CCAR1: variants seen among roughly 807,000 people sequenced by gnomAD.
CCAR1 encodes the protein cell division cycle and apoptosis regulator 1, also known as cell division cycle and apoptosis regulator protein 1.
CCAR1 carries 78 observed loss-of-function variants against 163.8 expected under a neutral mutation model. The ratio of observed to expected loss-of-function variants is 0.48; its 90% confidence interval spans 0.40 to 0.57. The LOEUF (loss-of-function observed/expected upper bound fraction) is 0.57. Among genes scored for constraint, CCAR1 ranks in the 20% least tolerant of loss-of-function variants. The pLI, the probability that CCAR1 is intolerant of heterozygous loss-of-function variation, is 0.00. For synonymous variants in CCAR1, 443 were observed against 460.7 expected (o/e 0.96, Z 0.49); for missense variants, 1,019 against 1,365.2 (o/e 0.75, Z 4.00).
chr10:68,738,624 A>G (rs1364150917), intron 4 of CCAR1, among the ~76,000 whole-genome samples: 1 of 152,038 alleles, frequency 6.6e-6, no homozygotes, highest in African/African-American at 2.4e-5. Context: ...TTTATTTTTA[A>G]AAATTTTTGT....
chr10:68,769,872 C>G (rs567500150), intron 17 of CCAR1, among the ~76,000 whole-genome samples: 1 of 143,998 alleles, frequency 6.9e-6, no homozygotes, highest in Non-Finnish European at 1.5e-5. Flanking sequence ...ATTGGCGAGG[C>G]GGAGCTTGCA....
intron 16 of CCAR1, among the ~76,000 whole-genome samples, chr10:68,765,036 A>G (rs2056519882): frequency 6.6e-6 from 1 of 152,234 alleles, no homozygotes; most frequent in South Asian, 2.1e-4. Context: ...TTCTAAATTC[A>G]TAGAGTTCTG....
rs1198272185 is a variant in CCAR1, at chr10:68,773,022, A to G, written c.2573A>G (p.Asp858Gly). 4 of 1,525,880 alleles carry G rather than the reference A, an allele frequency of 2.6e-6. No individual in the cohort carries two copies. In the South Asian group the frequency reaches 4.8e-5, roughly 18 times the overall value. 94.5% of individuals were successfully genotyped at this position (1,525,880 alleles called of 1,614,324 possible). The part of the protein sequence containing the change: ...EDKRKDDSKD[D>G]DETEEDNNQD... ...AAAAGAAAAGATGATTCTAAAGATG[A>G]TGATGAAACTGAAGAAGATAACAAT... The change falls in exon 19 of 25, where the codon GAT (aspartate) becomes GGT (glycine). Residue 858 changes from aspartate (D) to glycine (G), a missense_variant. Asp to Gly is a moderately conservative substitution (Grantham distance 94). This residue lies in a region of CCAR1 where 358 missense variants were observed against 406.4 expected (regional missense o/e 0.88). Transcript: ENST00000265872.
chr10:68,787,741 A>G, intron 21 of CCAR1, 186 bp from the exon 22 acceptor site: 1 of 478,916 alleles, frequency 2.1e-6, no homozygotes, highest in Non-Finnish European at 3.7e-6. Flanking sequence ...AGGCTGAGGT[A>G]GGAGAATCGC....
chr10:68,749,184 CACG>C lies in CCAR1; in HGVS notation c.880_882del (p.Arg294del). On this transcript the variant is annotated inframe_deletion, in exon 9 of 25. Coordinates refer to ENST00000265872, the MANE Select transcript of CCAR1 (RefSeq NM_018237.4). The stretch of plus-strand genomic sequence containing the variant: ...CGTATAGTTTCACAGCCACAACCGG[CACG>C]ACGATTAGATCCCCCATCCCGATTT... The C allele has an allele frequency of 6.2e-7, 1 of 1,613,688 alleles. No homozygotes were observed. The highest frequency in any genetic ancestry group is 2.2e-5 in the East Asian group (1 of 44,864).
intron 17 of CCAR1, among the ~76,000 whole-genome samples, chr10:68,770,883 C>T (rs761723505): frequency 1.3e-5 from 2 of 152,156 alleles, no homozygotes; most frequent in Non-Finnish European, 2.9e-5. Context: ...CGAGACCATC[C>T]TGGCTGACAT....
intron 19 of CCAR1, among the ~76,000 whole-genome samples, chr10:68,776,764 G>A (rs2056672355): frequency 6.6e-6 from 1 of 152,058 alleles, no homozygotes; most frequent in African/African-American, 2.4e-5. Context: ...GCCCAGGCTG[G>A]TCTTGACCTC....
chr10:68,783,184 A>C lies in CCAR1; in HGVS notation c.2651-2952A>C, dbSNP rs543681631. On this transcript the variant is annotated intron_variant, in intron 19 of 24. Coordinates refer to ENST00000265872, the MANE Select transcript of CCAR1 (RefSeq NM_018237.4). Reference sequence around the variant, plus strand: ...TGCCCAGCTAAATATTTATTTATTTATTTATTTTTATTTTTTATTTTTTGA... The same window carrying C: ...TGCCCAGCTAAATATTTATTTATTTCTTTATTTTTATTTTTTATTTTTTGA... Among the ~76,000 whole-genome samples, 171 of 150,782 alleles carry C rather than the reference A, an allele frequency of 1.1e-3. 1 individual carries two copies. Among genetic ancestry groups the C allele is most frequent in the African/African-American group, 4.0e-3 (166 of 41,086 alleles).
chr10:68,726,522 T>C (rs1015513803), intron 2 of CCAR1, among the ~76,000 whole-genome samples: 1 of 152,174 alleles, frequency 6.6e-6, no homozygotes, highest in African/African-American at 2.4e-5. Flanking sequence ...TAAGGAAGCT[T>C]TTCTCCTCCC....
At chr10:68,751,678 C>T (rs2056332468) in intron 10 of CCAR1, among the ~76,000 whole-genome samples, 1 of 151,652 alleles carries the variant, frequency 6.6e-6, no homozygotes. Flanking sequence ...GCCTGGCCAA[C>T]ATGGTGAAAC....
At chr10:68,723,343 A>G (rs1297539760) in intron 2 of CCAR1, among the ~76,000 whole-genome samples, 1 of 147,524 alleles carries the variant, frequency 6.8e-6, no homozygotes, top group Non-Finnish European at 1.5e-5. Context: ...CTTAGCCAGG[A>G]TGGTCTCGAT....
chr10:68,740,901 T>C (rs1481468791), intron 5 of CCAR1, among the ~76,000 whole-genome samples: 1 of 149,594 alleles, frequency 6.7e-6, no homozygotes, highest in Non-Finnish European at 1.5e-5. Context: ...ATTTATTTAT[T>C]TATTTATTTA....
At chr10:68,733,012 A>G (rs2056061440) in intron 2 of CCAR1, among the ~76,000 whole-genome samples, 1 of 152,158 alleles carries the variant, frequency 6.6e-6, no homozygotes. Flanking sequence ...TTGAATTAAT[A>G]CTGGTGTTAA....
At position 68,791,392 on chromosome 10, in the gene CCAR1, G is replaced by A. The variant is rs900220034; in HGVS notation, c.*126G>A. On this transcript the variant is annotated 3_prime_UTR_variant, in exon 25 of 25. Coordinates refer to ENST00000265872, the MANE Select transcript of CCAR1 (RefSeq NM_018237.4). Reference sequence around the variant, plus strand: ...ATAAATGTATTTTAGTTCAAATGATGTATAAAGTTTTATGAATGTGAGTTT... The same window carrying A: ...ATAAATGTATTTTAGTTCAAATGATATATAAAGTTTTATGAATGTGAGTTT... 3.1e-5 allele frequency: 17 copies of A among 551,030 alleles called. No homozygotes were observed. The highest frequency in any genetic ancestry group is 4.1e-4 in the Middle Eastern group (1 of 2,466). The allele number at this position is 551,030 out of a possible 1,614,324, so 34.1% of individuals were successfully genotyped here. A position where few individuals can be genotyped will look rare whatever the true frequency, so the allele number is the denominator to read the frequency against.
intron 4 of CCAR1, among the ~76,000 whole-genome samples, chr10:68,738,140 C>T (rs542304718): frequency 3.3e-5 from 5 of 152,288 alleles, no homozygotes; most frequent in Admixed American, 2.0e-4. Context: ...GGAGGCTGGG[C>T]GCAGTGGCTC....
chr10:68,742,857 A>G (rs1342508717), intron 6 of CCAR1, among the ~76,000 whole-genome samples: 2 of 152,156 alleles, frequency 1.3e-5, no homozygotes, highest in African/African-American at 4.8e-5. Flanking sequence ...ACCTCAAGTG[A>G]GCCACCCGCC....
intron 1 of CCAR1, 62 bp downstream of exon 1, chr10:68,721,344 G>A: frequency 3.8e-6 from 1 of 262,494 alleles, no homozygotes; most frequent in South Asian, 2.8e-5. Context: ...TTAACATCTT[G>A]TCGAATCTGT....
chr10:68,772,874 G>A (rs1281437295), intron 18 of CCAR1, 114 bp from the exon 19 acceptor site: 1 of 488,190 alleles, frequency 2.0e-6, no homozygotes, highest in African/African-American at 2.0e-5. Flanking sequence ...CCTTCAGAAG[G>A]CCCAGGCCAG....
intron 6 of CCAR1, among the ~76,000 whole-genome samples, chr10:68,745,878 A>G (rs372977680): frequency 2.6e-5 from 4 of 152,110 alleles, no homozygotes; most frequent in African/African-American, 9.7e-5. Context: ...AACTGACTGC[A>G]AGTGATCGTT....
Sources: allele counts gnomAD v4.1 joint callset (sites outside exome capture counted in the v4.1 genomes callset), GRCh38; gene constraint gnomAD v4.1.1; regional missense constraint gnomAD v4.1.1; transcripts MANE v1.5; gene names NCBI Gene and HGNC (gene_info 2026-07-23, HGNC 2026-07-21).